CRISPLD2: variants seen among roughly 807,000 people sequenced by gnomAD.
CRISPLD2 encodes the protein cysteine-rich secretory protein LCCL domain-containing 2.
CRISPLD2 carries 47 observed loss-of-function variants against 71.1 expected under a neutral mutation model. That is an observed-to-expected ratio of 0.66 (90% CI 0.52 to 0.84). The LOEUF (loss-of-function observed/expected upper bound fraction) is 0.84, where lower values mean the gene tolerates loss of function less well. CRISPLD2 is among the 40% of genes least tolerant of loss of function. The pLI is 0.00. For missense variants in CRISPLD2, 830 were observed against 651.1 expected, an observed-to-expected ratio of 1.27 and a Z score of -2.99; for synonymous variants, 317 against 250.1, an observed-to-expected ratio of 1.27 and a Z score of -2.52.
chr16:84,875,510 C>G (rs894821989), intron 11 of CRISPLD2, among the ~76,000 whole-genome samples: 1 of 146,188 alleles, frequency 6.8e-6, no homozygotes, highest in African/African-American at 2.6e-5. Flanking sequence ...CCAGTGTGGC[C>G]TAGGGAAGCC....
At chr16:84,889,441 GAGTCATT>G in intron 14 of CRISPLD2, 78 bp downstream of exon 14, 1 of 1,459,746 alleles carries the variant, frequency 6.9e-7, no homozygotes, top group Non-Finnish European at 9.2e-7. Flanking sequence ...AAGAGGCCCA[GAGTCATT>G]ACCCTTTAAA....
At chr16:84,898,372 C>T (rs2071724832) in intron 14 of CRISPLD2, among the ~76,000 whole-genome samples, 1 of 152,200 alleles carries the variant, frequency 6.6e-6, no homozygotes, top group African/African-American at 2.4e-5. Context: ...TGCCCGCTCC[C>T]CCACCCTCTC....
chr16:84,902,292 G>C (rs2071761970), intron 14 of CRISPLD2, among the ~76,000 whole-genome samples: 1 of 152,034 alleles, frequency 6.6e-6, no homozygotes. Flanking sequence ...TTTAGAGTCA[G>C]CAAAGGCTGC....
chr16:84,892,020 A>C (rs2646114), intron 14 of CRISPLD2, among the ~76,000 whole-genome samples: 1 of 152,066 alleles, frequency 6.6e-6, no homozygotes, highest in Admixed American at 6.5e-5. Flanking sequence ...CTTGCTCCTC[A>C]GACTCTCTGC....
At chr16:84,904,458 C>T (rs1166974487) in intron 14 of CRISPLD2, among the ~76,000 whole-genome samples, 2 of 152,104 alleles carry the variant, frequency 1.3e-5, no homozygotes, top group Non-Finnish European at 2.9e-5. Context: ...GTGGTGTGCA[C>T]CTGTAATCCC....
At chr16:84,904,550 C>G (rs2071784121) in intron 14 of CRISPLD2, among the ~76,000 whole-genome samples, 1 of 151,158 alleles carries the variant, frequency 6.6e-6, no homozygotes, top group Non-Finnish European at 1.5e-5. Flanking sequence ...CACCACTGTA[C>G]TCCAGCCTGG....
At chr16:84,894,729 TAAG>T (rs1200883312) in intron 14 of CRISPLD2, among the ~76,000 whole-genome samples, 2 of 152,206 alleles carry the variant, frequency 1.3e-5, no homozygotes, top group Admixed American at 6.5e-5. Context: ...TTATTAGAAA[TAAG>T]AAATTTACAT....
At position 84,897,085 on chromosome 16, in the gene CRISPLD2, C is replaced by T. The variant is rs553085464; in HGVS notation, c.1439+7722C>T. On this transcript the variant is annotated intron_variant, in intron 14 of 14. Coordinates refer to ENST00000262424, the MANE Select transcript of CRISPLD2 (RefSeq NM_031476.4). ...CTGGCTGGCCTCTAGGAGGGAGCCC[C>T]GTGCTTCTGGGGAGCTCTTCAGAGA... Among the ~76,000 whole-genome samples the T allele has an allele frequency of 1.2e-4, 19 of 152,350 alleles. No individual in the cohort carries two copies. The South Asian group carries it at 2.3e-3, about 18-fold the overall frequency.
intron 14 of CRISPLD2, among the ~76,000 whole-genome samples, chr16:84,897,326 C>A (rs1482394416): frequency 1.3e-5 from 2 of 150,464 alleles, no homozygotes. Context: ...GTGGCATGCA[C>A]CTGTAGTCCC....
intron 8 of CRISPLD2, among the ~76,000 whole-genome samples, chr16:84,871,024 T>A (rs2071464129): frequency 6.6e-6 from 1 of 152,168 alleles, no homozygotes; most frequent in African/African-American, 2.4e-5. Flanking sequence ...ACTGGTGCAC[T>A]CTGGCCTGGG....
chr16:84,878,458 C>T (rs892800193), intron 12 of CRISPLD2, among the ~76,000 whole-genome samples: 2 of 146,314 alleles, frequency 1.4e-5, no homozygotes, highest in Non-Finnish European at 2.9e-5. Flanking sequence ...GGGTGTCTGG[C>T]TTCTCACTCT....
chr16:84,841,269 G>T (rs1916763146), intron 2 of CRISPLD2, among the ~76,000 whole-genome samples: 1 of 152,210 alleles, frequency 6.6e-6, no homozygotes, highest in Non-Finnish European at 1.5e-5. Context: ...AAGCAAGCGT[G>T]CAGGGAAGGG....
At chr16:84,840,714 G>A (rs1381127503) in intron 2 of CRISPLD2, among the ~76,000 whole-genome samples, 1 of 151,974 alleles carries the variant, frequency 6.6e-6, no homozygotes, top group African/African-American at 2.4e-5. Flanking sequence ...CACCATGTTT[G>A]TATTTTTATT....
intron 13 of CRISPLD2, among the ~76,000 whole-genome samples, chr16:84,887,355 G>A (rs562973846): frequency 6.6e-6 from 1 of 152,326 alleles, no homozygotes; most frequent in South Asian, 2.1e-4. Flanking sequence ...ACCACAAAGT[G>A]CCTGGGGGCT....
rs555967820 is a variant in CRISPLD2 at position 84,883,130 on chromosome 16, A to T, written c.1305+2546A>T. Among the ~76,000 whole-genome samples, 4 of 152,340 alleles carry T rather than the reference A, an allele frequency of 2.6e-5. No individual in the cohort carries two copies. The South Asian group carries it at 8.3e-4, about 32-fold the overall frequency. ...GTACTTAAGTAGCTCTTCAAAAAAA[A>T]TAAAGAATGAAGGAGGGAAGAGGGA... On this transcript the variant is annotated intron_variant, in intron 13 of 14. Coordinates refer to ENST00000262424, the MANE Select transcript of CRISPLD2 (RefSeq NM_031476.4).
chr16:84,848,261 T>C (rs1056820207), intron 3 of CRISPLD2, among the ~76,000 whole-genome samples: 1 of 152,184 alleles, frequency 6.6e-6, no homozygotes, highest in African/African-American at 2.4e-5. Flanking sequence ...TTTCTGCAAA[T>C]GCCGCTGCCC....
At chr16:84,857,446 T>G (rs953798025) in intron 6 of CRISPLD2, among the ~76,000 whole-genome samples, 28 of 152,198 alleles carry the variant, frequency 1.8e-4, no homozygotes, top group African/African-American at 6.5e-4. Flanking sequence ...TGTCGCCAAT[T>G]TCCCAGTCAT....
In CRISPLD2 at chr16:84,877,900, G is replaced by A. The variant is rs574188440; in HGVS notation, c.1229+390G>A. Among the ~76,000 whole-genome samples, 19 of 150,834 alleles carry A rather than the reference G, an allele frequency of 1.3e-4. 1 individual carries two copies. The East Asian group carries it at 1.6e-3, about 13-fold the overall frequency. On this transcript the variant is annotated intron_variant, in intron 12 of 14. Transcript: ENST00000262424. Reference sequence around the variant, plus strand: ...TCAGCTTTATTGAGGTAAATGATACGATCCACCCATTAGAAGTAAACGATG... The same window carrying A: ...TCAGCTTTATTGAGGTAAATGATACAATCCACCCATTAGAAGTAAACGATG...
At chr16:84,845,715 T>C (rs1916894196) in intron 2 of CRISPLD2, 71 bp from the exon 3 acceptor site, 2 of 996,280 alleles carry the variant, frequency 2.0e-6, no homozygotes, top group Non-Finnish European at 3.1e-6. Flanking sequence ...GCTGGGGCGT[T>C]GCTGTATTTA....
Sources: gnomAD v4.1 joint callset for allele counts (sites outside exome capture counted in the v4.1 genomes callset) on GRCh38, gnomAD v4.1.1 for gene constraint, MANE v1.5 for transcripts, NCBI Gene and HGNC (gene_info 2026-07-23, HGNC 2026-07-21) for gene names.